The following NCK1 variants were observed in gnomAD, a reference collection of about 807,000 sequenced individuals.
The protein encoded by NCK1 is NCK adaptor protein 1.
In NCK1, 19 loss-of-function variants were observed where a neutral mutation model predicts 36.6. That is an observed-to-expected ratio of 0.52 (90% CI 0.36 to 0.76). The LOEUF (loss-of-function observed/expected upper bound fraction) is 0.76, where lower values mean the gene tolerates loss of function less well. NCK1 is among the 30% of genes least tolerant of loss of function. The pLI, the probability that NCK1 is intolerant of heterozygous loss-of-function variation, is 0.00. For synonymous variants in NCK1, 165 were observed against 156.0 expected, an observed-to-expected ratio of 1.06 and a Z score of -0.43; for missense variants, 358 against 445.6, an observed-to-expected ratio of 0.80 and a Z score of 1.77.
intron 1 of NCK1, chr3:136,899,272 C>G: frequency 4.0e-6 from 1 of 252,730 alleles, no homozygotes. Context: ...CTAGTGGCAT[C>G]TGAAGAAAGA....
chr3:136,924,873 G>C (rs1411472021), intron 1 of NCK1, among the ~76,000 whole-genome samples: 1 of 152,050 alleles, frequency 6.6e-6, no homozygotes, highest in East Asian at 1.9e-4. Flanking sequence ...TGCAACCTCC[G>C]GCATATATGG....
chr3:136,877,582 A>AAAT (rs1368182471), intron 1 of NCK1, among the ~76,000 whole-genome samples: 1 of 152,216 alleles, frequency 6.6e-6, no homozygotes, highest in Non-Finnish European at 1.5e-5. Flanking sequence ...AGACACATTT[A>AAAT]CTTTTACTCC....
chr3:136,901,260 G>T (rs941201840), intron 1 of NCK1, among the ~76,000 whole-genome samples: 4 of 145,222 alleles, frequency 2.8e-5, no homozygotes, highest in Non-Finnish European at 1.5e-5. Context: ...TCACTTCATT[G>T]TGGTGTATTT....
chr3:136,923,780 A>C (rs994943167), intron 1 of NCK1, among the ~76,000 whole-genome samples: 1 of 152,200 alleles, frequency 6.6e-6, no homozygotes, highest in Non-Finnish European at 1.5e-5. Context: ...TTGATAGTTT[A>C]GCTTTTAGAA....
chr3:136,874,930 T>G (rs887653398), intron 1 of NCK1, among the ~76,000 whole-genome samples: 1 of 152,234 alleles, frequency 6.6e-6, no homozygotes, highest in Non-Finnish European at 1.5e-5. Flanking sequence ...TTGAGAAGTC[T>G]GAAGACATTC....
rs56243004 is a variant in NCK1, at chr3:136,865,619, A to G, written c.-19+3266A>G. Among the ~76,000 whole-genome samples the G allele has an allele frequency of 2.3e-3, 349 of 152,310 alleles. 2 individuals carry two copies. The highest frequency in any genetic ancestry group is 8.3e-3 in the African/African-American group (343 of 41,572). On this transcript the variant is annotated intron_variant, in intron 1 of 3. Coordinates refer to ENST00000481752, the MANE Select transcript of NCK1 (RefSeq NM_001291999.2). ...ACCTTTATAATATAGAAAAATACCAAATGTTCTTTATCTGCACTAGAAAAT... is the reference window on the plus strand; with the variant it reads ...ACCTTTATAATATAGAAAAATACCAGATGTTCTTTATCTGCACTAGAAAAT...
rs1553796207 is a variant in NCK1 at position 136,915,725 on chromosome 3, C to CT, written c.-18-12255dup. On this transcript the variant is annotated intron_variant, in intron 1 of 3. Transcript: ENST00000481752. ...AAGGTGAAGGTGCCAAACACTTTTG[C>CT]TTTTGTTTTTTTTTTTTTGAGATGG... is the stretch of plus-strand genomic sequence containing the variant. Among the ~76,000 whole-genome samples, 162 of 150,718 alleles carry CT rather than the reference C, an allele frequency of 1.1e-3. 1 individual carries two copies. The highest frequency in any genetic ancestry group is 3.8e-3 in the African/African-American group (154 of 41,056).
chr3:136,863,976 C>G (rs1257744770), intron 1 of NCK1, among the ~76,000 whole-genome samples: 1 of 151,826 alleles, frequency 6.6e-6, no homozygotes, highest in African/African-American at 2.4e-5. Context: ...TGGCGGGCGC[C>G]TATAGTCCCA....
chr3:136,906,609 G>A (rs1939692984), intron 1 of NCK1, among the ~76,000 whole-genome samples: 1 of 152,178 alleles, frequency 6.6e-6, no homozygotes, highest in Non-Finnish European at 1.5e-5. Flanking sequence ...AGGTGAGCCA[G>A]GCAGGTTGAC....
Position 136,930,191 on chromosome 3 carries a change from T to C in NCK1, c.226+1964T>C, listed in dbSNP as rs376071168. ...TGTAATTAATGGATTTGTTTCGCAA[T>C]GGTTGTGCTGGTGGAGACATTGTTT... On this transcript the variant is annotated intron_variant, in intron 2 of 3. Transcript: ENST00000481752. Among the ~76,000 whole-genome samples the C allele has an allele frequency of 8.5e-5, 13 of 152,270 alleles. No homozygotes were observed. The East Asian group carries it at 1.9e-3, about 23-fold the overall frequency.
At chr3:136,913,788 C>T (rs1429711013) in intron 1 of NCK1, among the ~76,000 whole-genome samples, 1 of 152,238 alleles carries the variant, frequency 6.6e-6, no homozygotes, top group Non-Finnish European at 1.5e-5. Flanking sequence ...CCTGCCTCAG[C>T]CTCCTGAGTA....
intron 1 of NCK1, among the ~76,000 whole-genome samples, chr3:136,898,707 C>T (rs1197012622): frequency 1.3e-5 from 2 of 152,054 alleles, no homozygotes; most frequent in Non-Finnish European, 2.9e-5. Context: ...TTTCCCTGTG[C>T]GAGATAAAAC....
At chr3:136,882,803 G>A (rs9855314) in intron 1 of NCK1, among the ~76,000 whole-genome samples, 103,614 of 152,042 alleles carry the variant, frequency 0.68, 35,600 homozygotes, top group East Asian at 0.87. Flanking sequence ...TCTAATTGCA[G>A]GGGTGGCTGG....
chr3:136,926,543 G>T (rs954487895), intron 1 of NCK1, among the ~76,000 whole-genome samples: 1 of 152,090 alleles, frequency 6.6e-6, no homozygotes, highest in Admixed American at 6.5e-5. Flanking sequence ...CTGAAGTGCT[G>T]GGATTACAGG....
intron 1 of NCK1, among the ~76,000 whole-genome samples, chr3:136,869,170 G>A (rs1938534949): frequency 6.6e-6 from 1 of 151,430 alleles, no homozygotes. Context: ...AACCCCAGAG[G>A]CAGAGGTTAC....
intron 1 of NCK1, among the ~76,000 whole-genome samples, chr3:136,914,144 G>A (rs557301482): frequency 1.3e-5 from 2 of 152,324 alleles, no homozygotes; most frequent in South Asian, 2.1e-4. Flanking sequence ...GGAGGGAGGT[G>A]AAACAATAGC....
chr3:136,902,494 C>T (rs1222161786), intron 1 of NCK1, among the ~76,000 whole-genome samples: 4 of 152,176 alleles, frequency 2.6e-5, no homozygotes, highest in Non-Finnish European at 5.9e-5. Flanking sequence ...CCCACCTGGC[C>T]TATTATTCTT....
chr3:136,918,894 T>C (rs1023073392), intron 1 of NCK1, among the ~76,000 whole-genome samples: 5 of 152,240 alleles, frequency 3.3e-5, no homozygotes, highest in African/African-American at 4.8e-5. Flanking sequence ...CGTGTAACCA[T>C]GTGAGTATTG....
Position 136,938,110 on chromosome 3 carries a change from T to A in NCK1, c.227-7473T>A, listed in dbSNP as rs76316086. On this transcript the variant is annotated intron_variant, in intron 2 of 3. Transcript: ENST00000481752. ...CCTAGTTTGCTGAGCATTGTTATCA[T>A]GAAACGGTTTTGGATTTTGTCCAAT... Among the ~76,000 whole-genome samples, 1,090 of 152,340 alleles carry A rather than the reference T, an allele frequency of 7.2e-3. 5 individuals are homozygous for A. The highest frequency in any genetic ancestry group is 0.013 in the Non-Finnish European group (863 of 68,018).
Sources: gnomAD v4.1 joint callset for allele counts (sites outside exome capture counted in the v4.1 genomes callset) on GRCh38, gnomAD v4.1.1 for gene constraint, MANE v1.5 for transcripts, NCBI Gene and HGNC (gene_info 2026-07-23, HGNC 2026-07-21) for gene names.